CPNE5: variants seen among roughly 807,000 people sequenced by gnomAD.
CPNE5 encodes the protein copine-5.
A neutral mutation model predicts 81.1 loss-of-function variants in CPNE5; 42 were observed. The ratio of observed to expected loss-of-function variants is 0.52; its 90% confidence interval spans 0.40 to 0.67. The LOEUF is 0.67. CPNE5 is among the 30% of genes least tolerant of loss of function. The pLI is 0.00. For synonymous variants in CPNE5, 313 were observed against 321.5 expected (o/e 0.97, Z 0.28); for missense variants, 612 against 815.5 (o/e 0.75, Z 3.04).
rs773751955 is a variant in CPNE5 at position 36,741,771 on chromosome 6, AG to A, written c.*496del. On this transcript the variant is annotated 3_prime_UTR_variant, in exon 21 of 21. Coordinates refer to ENST00000244751, the MANE Select transcript of CPNE5 (RefSeq NM_020939.2). ...TGTCCCTGGGAGGGTGCACATGTTC[AG>A]GCCTTCCTGCAAACCCATCAGCTTC... is the stretch of plus-strand genomic sequence containing the variant. 1 of 154,820 alleles carries A rather than the reference AG, an allele frequency of 6.5e-6. No individual in the cohort carries two copies. Among genetic ancestry groups the A allele is most frequent in the African/African-American group, 2.4e-5 (1 of 41,476 alleles). 9.6% of individuals were successfully genotyped at this position (154,820 alleles called of 1,614,324 possible).
At chr6:36,792,876 G>C (rs1769227172) in intron 7 of CPNE5, among the ~76,000 whole-genome samples, 1 of 152,164 alleles carries the variant, frequency 6.6e-6, no homozygotes, top group African/African-American at 2.4e-5. Flanking sequence ...AGAGGTGGGG[G>C]AGTCCCAGTG....
intron 3 of CPNE5, among the ~76,000 whole-genome samples, chr6:36,814,268 C>T (rs747133814): frequency 1.3e-5 from 2 of 152,172 alleles, no homozygotes; most frequent in Non-Finnish European, 2.9e-5. Context: ...TCCTTGTCAC[C>T]TGTGTCGGTG....
At chr6:36,813,173 T>C (rs966404675) in intron 3 of CPNE5, among the ~76,000 whole-genome samples, 1 of 152,256 alleles carries the variant, frequency 6.6e-6, no homozygotes, top group Non-Finnish European at 1.5e-5. Flanking sequence ...CAGTCCACTC[T>C]GCACACAGTG....
intron 18 of CPNE5, 110 bp from the exon 19 acceptor site, chr6:36,744,435 A>G (rs906179887): frequency 1.2e-6 from 1 of 806,486 alleles, no homozygotes; most frequent in Non-Finnish European, 2.1e-6. Flanking sequence ...AAGAAATGGG[A>G]GAGTGAACAT....
At chr6:36,790,112 C>T (rs953544222) in intron 8 of CPNE5, among the ~76,000 whole-genome samples, 4 of 152,036 alleles carry the variant, frequency 2.6e-5, no homozygotes, top group Non-Finnish European at 5.9e-5. Context: ...GACCTTGGAC[C>T]GATCAATTAA....
intron 18 of CPNE5, 126 bp from the exon 19 acceptor site, chr6:36,744,451 G>A (rs763333557): frequency 2.7e-5 from 20 of 736,180 alleles, no homozygotes; most frequent in Non-Finnish European, 4.8e-5. Context: ...AACATGGAGA[G>A]ACAGAGAAAC....
At chr6:36,816,431 G>A (rs569711362) in intron 3 of CPNE5, among the ~76,000 whole-genome samples, 168 of 152,308 alleles carry the variant, frequency 1.1e-3, no homozygotes, top group African/African-American at 3.7e-3. Context: ...CAGGGGCCAC[G>A]AGAGCAGATT....
chr6:36,769,253 A>G (rs1450890209), intron 10 of CPNE5, among the ~76,000 whole-genome samples: 1 of 152,238 alleles, frequency 6.6e-6, no homozygotes, highest in African/African-American at 2.4e-5. Context: ...GTCATTCTAC[A>G]AAATCACAAA....
chr6:36,838,757 G>A (rs1030058948), intron 1 of CPNE5: 5 of 983,606 alleles, frequency 5.1e-6, no homozygotes, highest in Non-Finnish European at 6.0e-6. Flanking sequence ...TGATAGAGAT[G>A]AAGGAAGGCT....
Position 36,746,471 on chromosome 6 carries a change from A to G in CPNE5, c.1125T>C (p.Ser375=), listed in dbSNP as rs777114908. ...AVGEIIQHYD[S]DKMFPALGFG... is the part of the protein sequence containing the mutation. ...AGCCCAGGGCAGGGAACATCTTGTC[A>G]CTGTCGTAGTGCTGGATGATCTCTC... Residue 375 remains serine, a synonymous_variant, in exon 16 of 21, where the codon AGT becomes AGC. Transcript: ENST00000244751. The surrounding 1 kb of genome is among the most constrained non-coding windows in gnomAD (Gnocchi z 4.5). The G allele has an allele frequency of 3.1e-6, 5 of 1,613,404 alleles. No individual in the cohort carries two copies. The highest frequency in any genetic ancestry group is 3.4e-6 in the Non-Finnish European group (4 of 1,179,684).
At chr6:36,781,693 T>C (rs2150476298) in intron 8 of CPNE5, among the ~76,000 whole-genome samples, 1 of 152,264 alleles carries the variant, frequency 6.6e-6, no homozygotes, top group Non-Finnish European at 1.5e-5. Context: ...ACTCGCTGGC[T>C]GTATAAATTG....
chr6:36,837,827 G>T (rs1773653107), intron 1 of CPNE5, among the ~76,000 whole-genome samples: 2 of 152,114 alleles, frequency 1.3e-5, no homozygotes, highest in Non-Finnish European at 2.9e-5. Context: ...AAGGCTGGGA[G>T]GGAGTGCCAG....
Position 36,745,122 on chromosome 6 carries a change from G to A in CPNE5, c.1357C>T (p.Gln453Ter), listed in dbSNP as rs1763993033. Residue 453 changes from glutamine (Q) to a stop codon, truncating the protein, a stop_gained, in exon 18 of 21, where the codon CAG becomes TAG. Transcript: ENST00000244751. LOFTEE classifies it high-confidence loss of function. ...GTAATGATGAGCAGCACCGAGTACT[G>A]GGAGCCATCCTGCACGGCCGCTGCA... Reference protein sequence around the residue: ...RNAAAVQDGSQYSVLLIITDG... With the variant: ...RNAAAVQDGS 1 of 1,613,954 alleles carries A rather than the reference G, an allele frequency of 6.2e-7. No homozygotes were observed. The highest frequency in any genetic ancestry group is 8.5e-7 in the Non-Finnish European group (1 of 1,179,914).
chr6:36,834,863 TCCCTCC>T (rs1470019389), intron 1 of CPNE5, among the ~76,000 whole-genome samples: 1 of 150,484 alleles, frequency 6.6e-6, no homozygotes, highest in Non-Finnish European at 1.5e-5. Context: ...CCCAGGCTCC[TCCCTCC>T]CCCAAACCAC....
At chr6:36,753,210 A>G in intron 13 of CPNE5, 115 bp from the exon 14 acceptor site, 1 of 736,426 alleles carries the variant, frequency 1.4e-6, no homozygotes, top group East Asian at 2.6e-5. Context: ...TGCATGCATG[A>G]CTGCATGCAC....
intron 13 of CPNE5, chr6:36,754,174 A>G (rs1463604989): frequency 6.6e-6 from 1 of 150,962 alleles, no homozygotes; most frequent in Non-Finnish European, 1.5e-5. Context: ...GACCCATTAT[A>G]GCCGAGTTTC....
Position 36,792,055 on chromosome 6 carries a change from G to A in CPNE5, c.506C>T (p.Ala169Val). 1 of 1,614,080 alleles carries A rather than the reference G, an allele frequency of 6.2e-7. No individual in the cohort carries two copies. Among genetic ancestry groups the A allele is most frequent in the Non-Finnish European group, 8.5e-7 (1 of 1,179,976 alleles). ...GKKCGTIILSAEELSNCRDVA... is the reference protein window; with the variant it reads ...GKKCGTIILSVEELSNCRDVA... ...CACCCTACAGTTGCTGAGCTCCTCA[G>A]CGGACAGGATGATGGTGCCACATTT... Residue 169 changes from alanine to valine, a missense_variant, in exon 8 of 21, where the codon GCT (alanine) becomes GTT (valine). By Grantham distance (64) the Ala-to-Val change is moderately conservative (BLOSUM62 0). Coordinates refer to ENST00000244751, the MANE Select transcript of CPNE5 (RefSeq NM_020939.2).
At chr6:36,812,725 T>C (rs1771207409) in intron 3 of CPNE5, among the ~76,000 whole-genome samples, 1 of 151,584 alleles carries the variant, frequency 6.6e-6, no homozygotes, top group African/African-American at 2.4e-5. Context: ...TCACGGGGAG[T>C]CAGAGCCCTG....
rs527933833 is a variant in CPNE5 at position 36,774,287 on chromosome 6, G to A, written c.737+674C>T. On this transcript the variant is annotated intron_variant, in intron 10 of 20. Coordinates refer to ENST00000244751, the MANE Select transcript of CPNE5 (RefSeq NM_020939.2). ...TCCCAACTATATTCAGGAGGTAGAG[G>A]TGGAAGGATCGCTTGAGCCTGGGAG... Among the ~76,000 whole-genome samples the A allele has an allele frequency of 5.3e-5, 8 of 152,238 alleles. No homozygotes were observed. The South Asian group carries it at 1.7e-3, about 32-fold the overall frequency.
Sources: allele counts gnomAD v4.1 joint callset (sites outside exome capture counted in the v4.1 genomes callset), GRCh38; gene constraint gnomAD v4.1.1; non-coding constraint Gnocchi (gnomAD v3.1); transcripts MANE v1.5; gene names NCBI Gene and HGNC (gene_info 2026-07-23, HGNC 2026-07-21).